Variants in PCDH9 observed in about 807,000 individuals in gnomAD.
PCDH9 encodes the protein protocadherin 9.
A neutral mutation model predicts 70.6 loss-of-function variants in PCDH9; 24 were observed. The observed-to-expected ratio is 0.34, with a 90% CI of 0.25 to 0.48. PCDH9 has a LOEUF of 0.48. Among genes scored for constraint, PCDH9 ranks in the 20% least tolerant of loss-of-function variants. The pLI, the probability that PCDH9 is intolerant of heterozygous loss-of-function variation, is 0.99. For synonymous variants in PCDH9, 562 were observed against 558.5 expected, an observed-to-expected ratio of 1.01 and a Z score of -0.09; for missense variants, 1,281 against 1,503.6, an observed-to-expected ratio of 0.85 and a Z score of 2.45.
chr13:66,975,931 T>A (rs371916243), intron 2 of PCDH9, among the ~76,000 whole-genome samples: 1 of 152,024 alleles, frequency 6.6e-6, no homozygotes, highest in African/African-American at 2.4e-5. Flanking sequence ...GAAGAGCAAT[T>A]CAGTAATCAG....
At chr13:67,027,153 G>T (rs1481809656) in intron 2 of PCDH9, among the ~76,000 whole-genome samples, 3 of 152,028 alleles carry the variant, frequency 2.0e-5, no homozygotes, top group South Asian at 2.1e-4. Context: ...CACACTACCT[G>T]ACTTCAAACT....
Position 66,628,750 on chromosome 13 carries a change from A to C in PCDH9, c.3340+2460T>G, listed in dbSNP as rs186176801. On this transcript the variant is annotated intron_variant, in intron 4 of 4. Transcript: ENST00000377865. The stretch of plus-strand genomic sequence containing the variant: ...GATTTTCAGTAATGCATTATTTCTT[A>C]TAAGAGTCAACAAATTTTTCATTTT... 3.0e-4 allele frequency among the ~76,000 whole-genome samples: 45 copies of C among 152,344 alleles called. 2 individuals are homozygous for C. The highest frequency in any genetic ancestry group is 5.2e-4 in the Admixed American group (8 of 15,302).
At chr13:66,607,391 C>T (rs1407545694) in intron 4 of PCDH9, among the ~76,000 whole-genome samples, 3 of 152,054 alleles carry the variant, frequency 2.0e-5, no homozygotes, top group South Asian at 4.1e-4. Flanking sequence ...CGTCCAAACT[C>T]TTACAAATTA....
intron 4 of PCDH9, among the ~76,000 whole-genome samples, chr13:66,572,164 C>A (rs1370762136): frequency 2.6e-5 from 4 of 151,988 alleles, no homozygotes; most frequent in Non-Finnish European, 2.9e-5. Flanking sequence ...GTGTAATAAT[C>A]AAGTCAGGGT....
chr13:66,355,604 G>T (rs1956370033), intron 4 of PCDH9, among the ~76,000 whole-genome samples: 1 of 152,078 alleles, frequency 6.6e-6, no homozygotes, highest in Admixed American at 6.6e-5. Flanking sequence ...GATCAGCTTT[G>T]TTCAGGCATG....
At chr13:67,223,664 T>A (rs1007436799) in intron 2 of PCDH9, 1 of 152,158 alleles carries the variant, frequency 6.6e-6, no homozygotes, top group Non-Finnish European at 1.5e-5. Context: ...GAACATTTTT[T>A]AAATTTTAAA....
chr13:67,195,003 G>C lies in PCDH9; in HGVS notation c.3036+30402C>G, dbSNP rs1263886826. The stretch of plus-strand genomic sequence containing the variant: ...GAATTACCGGCTTGATTGAAAATAG[G>C]AACCTGGATCACTTGTGAAAACTGA... On this transcript the variant is annotated intron_variant, in intron 2 of 4. Coordinates refer to ENST00000377865, the MANE Select transcript of PCDH9 (RefSeq NM_203487.3). Among the ~76,000 whole-genome samples, 6 of 152,236 alleles carry C rather than the reference G, an allele frequency of 3.9e-5. No individual in the cohort carries two copies. In the South Asian group the frequency reaches 6.2e-4, roughly 16 times the overall value.
intron 2 of PCDH9, among the ~76,000 whole-genome samples, chr13:66,911,363 T>A (rs1281369374): frequency 6.6e-6 from 1 of 152,142 alleles, no homozygotes; most frequent in Non-Finnish European, 1.5e-5. Flanking sequence ...CCTTCATAAG[T>A]AATTACTATA....
At chr13:66,496,233 A>G (rs1447078335) in intron 4 of PCDH9, among the ~76,000 whole-genome samples, 1 of 152,190 alleles carries the variant, frequency 6.6e-6, no homozygotes, top group African/African-American at 2.4e-5. Flanking sequence ...TGTCCAGTAA[A>G]CCAACTAAAA....
At chr13:66,800,664 G>A (rs1427488019) in intron 3 of PCDH9, among the ~76,000 whole-genome samples, 1 of 152,156 alleles carries the variant, frequency 6.6e-6, no homozygotes, top group Non-Finnish European at 1.5e-5. Context: ...CAGTCAGCAA[G>A]ATGTCTCACT....
chr13:66,790,007 T>A (rs2080139543), intron 3 of PCDH9, among the ~76,000 whole-genome samples: 1 of 152,172 alleles, frequency 6.6e-6, no homozygotes, highest in African/African-American at 2.4e-5. Flanking sequence ...AATATCTGGG[T>A]TGCAGGGTAG....
intron 4 of PCDH9, among the ~76,000 whole-genome samples, chr13:66,526,791 T>C (rs1037637528): frequency 1.3e-5 from 2 of 152,166 alleles, no homozygotes; most frequent in African/African-American, 2.4e-5. Flanking sequence ...AATTTAACTA[T>C]TTTTTAAGAA....
At chr13:66,503,614 A>G (rs990458287) in intron 4 of PCDH9, among the ~76,000 whole-genome samples, 1 of 152,210 alleles carries the variant, frequency 6.6e-6, no homozygotes, top group Admixed American at 6.6e-5. Context: ...TGAATTGAGC[A>G]GGTGACTTAT....
intron 3 of PCDH9, among the ~76,000 whole-genome samples, chr13:66,780,615 C>T (rs1252091099): frequency 2.6e-5 from 4 of 152,266 alleles, no homozygotes; most frequent in Admixed American, 2.0e-4. Context: ...AAAATGACCC[C>T]TTTCCACTTT....
rs1374543657 is a variant in PCDH9, at chr13:66,463,983, C to T, written c.3341-158955G>A. Among the ~76,000 whole-genome samples the T allele has an allele frequency of 4.3e-5, 4 of 92,680 alleles. No homozygotes were observed. The East Asian group carries it at 1.3e-3, about 31-fold the overall frequency. 60.8% of individuals were successfully genotyped at this position (92,680 alleles called of 152,430 possible). On this transcript the variant is annotated intron_variant, in intron 4 of 4. Transcript: ENST00000377865. ...GCATTAAAAATTTAAATTTAACTGA[C>T]ATTAAAAATTTAAATTTAACTGATG...
chr13:66,558,486 C>T (rs960255164), intron 4 of PCDH9, among the ~76,000 whole-genome samples: 2 of 151,942 alleles, frequency 1.3e-5, no homozygotes, highest in Non-Finnish European at 2.9e-5. Flanking sequence ...ATCCCATTCT[C>T]TGCAAAGTAC....
At chr13:66,342,463 A>G (rs1049627597) in intron 4 of PCDH9, among the ~76,000 whole-genome samples, 1 of 152,194 alleles carries the variant, frequency 6.6e-6, no homozygotes, top group East Asian at 1.9e-4. Flanking sequence ...TGAGGAATTT[A>G]CTCCTTATAA....
At chr13:66,810,944 A>G (rs1376631892) in intron 3 of PCDH9, among the ~76,000 whole-genome samples, 1 of 152,012 alleles carries the variant, frequency 6.6e-6, no homozygotes, top group East Asian at 1.9e-4. Flanking sequence ...CCTAATATTA[A>G]TATGATTATT....
intron 2 of PCDH9, among the ~76,000 whole-genome samples, chr13:66,993,418 G>A (rs1287935758): frequency 6.6e-6 from 1 of 152,104 alleles, no homozygotes; most frequent in Middle Eastern, 3.2e-3. Context: ...TTAGTATGAT[G>A]ATAAAATAAA....
Sources: allele counts gnomAD v4.1 joint callset (sites outside exome capture counted in the v4.1 genomes callset), GRCh38; gene constraint gnomAD v4.1.1; transcripts MANE v1.5; gene names NCBI Gene and HGNC (gene_info 2026-07-23, HGNC 2026-07-21).